The following FARS2 variants were observed in gnomAD, a reference collection of about 807,000 sequenced individuals.
FARS2 encodes the protein phenylalanyl-tRNA synthetase 2, mitochondrial, also known as phenylalanine--tRNA ligase, mitochondrial.
FARS2 carries 40 observed loss-of-function variants against 46.4 expected under a neutral mutation model. That is an observed-to-expected ratio of 0.86 (90% CI 0.67 to 1.12). FARS2 has a LOEUF of 1.12. Among genes scored for constraint, FARS2 ranks in the 50% most tolerant of loss-of-function variants. The pLI, the probability that FARS2 is intolerant of heterozygous loss-of-function variation, is 0.00. For missense variants in FARS2, 513 were observed against 567.9 expected (o/e 0.90, Z 0.98); for synonymous variants, 234 against 214.9 (o/e 1.09, Z -0.78).
At chr6:5,263,353 G>A (rs1765328368) in intron 1 of FARS2, among the ~76,000 whole-genome samples, 1 of 152,198 alleles carries the variant, frequency 6.6e-6, no homozygotes, top group Non-Finnish European at 1.5e-5. Flanking sequence ...AGTTAGGAAA[G>A]TGATAGGCTT....
At chr6:5,352,821 A>G (rs1360406745) in intron 1 of FARS2, among the ~76,000 whole-genome samples, 2 of 152,116 alleles carry the variant, frequency 1.3e-5, no homozygotes, top group South Asian at 2.1e-4. Context: ...TGTACGGGGT[A>G]CAGTGAGATG....
intron 5 of FARS2, among the ~76,000 whole-genome samples, chr6:5,555,760 G>C (rs1350955471): frequency 1.3e-5 from 2 of 151,836 alleles, no homozygotes; most frequent in African/African-American, 2.4e-5. Context: ...ATTTTCTTTT[G>C]CTGGAGAAGA....
At chr6:5,603,090 C>T (rs1774632584) in intron 5 of FARS2, among the ~76,000 whole-genome samples, 1 of 152,056 alleles carries the variant, frequency 6.6e-6, no homozygotes, top group Non-Finnish European at 1.5e-5. Flanking sequence ...AGGGGCCACT[C>T]TGTTTTTTAT....
the FARS2 span, among the ~76,000 whole-genome samples, chr6:5,250,600 A>G: frequency 6.6e-6 from 1 of 152,234 alleles, no homozygotes; most frequent in African/African-American, 2.4e-5. Flanking sequence ...AACTGCTTTT[A>G]GGCACACATG....
At chr6:5,556,512 C>G (rs1385949358) in intron 5 of FARS2, among the ~76,000 whole-genome samples, 1 of 151,814 alleles carries the variant, frequency 6.6e-6, no homozygotes, top group African/African-American at 2.4e-5. Context: ...TTTAATTGCC[C>G]TGTAGTCTAT....
rs547669924 is a variant in FARS2, at chr6:5,314,821, C to G, written c.-22+53161C>G. 9.1e-4 allele frequency among the ~76,000 whole-genome samples: 138 copies of G among 152,330 alleles called. 1 individual carries two copies. The highest frequency in any genetic ancestry group is 9.0e-3 in the Admixed American group (137 of 15,302). On this transcript the variant is annotated intron_variant, in intron 1 of 6. Transcript: ENST00000274680. ...AGTTGGGGAAATACAGATTTCATTA[C>G]TCTTTCATGTAATTGAATTGGAAAT...
intron 5 of FARS2, among the ~76,000 whole-genome samples, chr6:5,603,672 T>G (rs532905117): frequency 5.3e-4 from 81 of 152,328 alleles, no homozygotes; most frequent in African/African-American, 1.9e-3. Flanking sequence ...GTGTGCTCCC[T>G]GTGTGCATGC....
chr6:5,438,351 G>C (rs1271976303), intron 4 of FARS2, among the ~76,000 whole-genome samples: 1 of 145,278 alleles, frequency 6.9e-6, no homozygotes, highest in African/African-American at 2.6e-5. Context: ...TGTCCCAGGA[G>C]ACCCTGAGAC....
intron 6 of FARS2, among the ~76,000 whole-genome samples, chr6:5,719,925 C>G (rs926233032): frequency 1.3e-5 from 2 of 152,290 alleles, no homozygotes; most frequent in Admixed American, 6.5e-5. Flanking sequence ...GTTGTGGACT[C>G]TCTATTATAC....
intron 6 of FARS2, among the ~76,000 whole-genome samples, chr6:5,690,789 G>A (rs887290996): frequency 1.3e-5 from 2 of 152,218 alleles, no homozygotes; most frequent in Non-Finnish European, 2.9e-5. Flanking sequence ...ATCCTGCGGA[G>A]TGTTTTCCAA....
chr6:5,736,750 A>T (rs1269398710), intron 6 of FARS2, among the ~76,000 whole-genome samples: 1 of 152,158 alleles, frequency 6.6e-6, no homozygotes, highest in African/African-American at 2.4e-5. Context: ...GACCAGCATG[A>T]ATTCAACTCT....
chr6:5,770,116 C>A (rs1021999585), intron 6 of FARS2, among the ~76,000 whole-genome samples: 19 of 152,094 alleles, frequency 1.2e-4, no homozygotes, highest in Non-Finnish European at 2.8e-4. Flanking sequence ...TCGGGAGGAC[C>A]CTGGAAGCAA....
chr6:5,266,208 C>T (rs1765539297), intron 1 of FARS2, among the ~76,000 whole-genome samples: 1 of 152,194 alleles, frequency 6.6e-6, no homozygotes, highest in South Asian at 2.1e-4. Flanking sequence ...CTGCGGAAGG[C>T]TTTGGCCAGA....
At chr6:5,369,203 C>T (rs780923719) in intron 2 of FARS2, 21 bp downstream of exon 2, 3 of 1,596,236 alleles carry the variant, frequency 1.9e-6, no homozygotes, top group South Asian at 2.2e-5. Context: ...AGATGTTTCT[C>T]ATCGCTGAAG....
intron 4 of FARS2, among the ~76,000 whole-genome samples, chr6:5,473,996 A>C (rs1446300669): frequency 6.6e-6 from 1 of 152,206 alleles, no homozygotes; most frequent in Non-Finnish European, 1.5e-5. Context: ...TAGGAACCTC[A>C]GGATCCCTCC....
chr6:5,545,405 A>G, intron 5 of FARS2, 65 bp downstream of exon 5: 1 of 1,222,216 alleles, frequency 8.2e-7, no homozygotes, highest in South Asian at 1.5e-5. Context: ...CGACAGGATC[A>G]TGTACTTGAA....
At chr6:5,285,330 T>G (rs1767031556) in intron 1 of FARS2, among the ~76,000 whole-genome samples, 1 of 151,952 alleles carries the variant, frequency 6.6e-6, no homozygotes, top group Admixed American at 6.6e-5. Flanking sequence ...GAAGGCAGGA[T>G]CTAGAGAGAC....
chr6:5,744,319 A>C (rs1199688889), intron 6 of FARS2, among the ~76,000 whole-genome samples: 3 of 152,196 alleles, frequency 2.0e-5, no homozygotes, highest in Non-Finnish European at 4.4e-5. Context: ...AGTCCAACAC[A>C]GTTCTGCATC....
chr6:5,659,243 T>C (rs572479342), intron 6 of FARS2, among the ~76,000 whole-genome samples: 2 of 152,304 alleles, frequency 1.3e-5, no homozygotes, highest in South Asian at 4.1e-4. Context: ...TCTGGTGCTA[T>C]TTTCTCATTT....
Sources: gnomAD v4.1 joint callset for allele counts (sites outside exome capture counted in the v4.1 genomes callset) on GRCh38, gnomAD v4.1.1 for gene constraint, MANE v1.5 for transcripts, NCBI Gene and HGNC (gene_info 2026-07-23, HGNC 2026-07-21) for gene names.